Variants in SMARCA4 observed in about 807,000 individuals in gnomAD.
SMARCA4 encodes the protein SWI/SNF-related matrix-associated actin-dependent regulator of chromatin subfamily A member 4.
In SMARCA4, 31 loss-of-function variants were observed where a neutral mutation model predicts 193.9. That is an observed-to-expected ratio of 0.16 (90% CI 0.12 to 0.22). SMARCA4 has a LOEUF of 0.22. Among genes scored for constraint, SMARCA4 ranks in the 10% least tolerant of loss-of-function variants. The probability of loss-of-function intolerance (pLI) is 1.00; values close to 1 mark genes in which losing one functional copy is unlikely to be tolerated. For missense variants in SMARCA4, 1,148 were observed against 2,296.0 expected, an observed-to-expected ratio of 0.50 and a Z score of 10.22; for synonymous variants, 942 against 933.1, an observed-to-expected ratio of 1.01 and a Z score of -0.17.
chr19:10,987,314 C>G lies in SMARCA4; in HGVS notation c.859+311C>G, dbSNP rs1376435064. Among the ~76,000 whole-genome samples, 1 of 152,192 alleles carries G rather than the reference C, an allele frequency of 6.6e-6. No homozygotes were observed. The highest frequency in any genetic ancestry group is 1.5e-5 in the Non-Finnish European group (1 of 68,018). On this transcript the variant is annotated intron_variant, in intron 5 of 34. Coordinates refer to ENST00000344626, the MANE Select transcript of SMARCA4 (RefSeq NM_003072.5). This position sits in a 1 kb window ranked among gnomAD's most constrained non-coding sequence, Gnocchi z 5.3. ...GGCAGTGGGACTCATTACCCATCCT[C>G]TTGGAGCCTGAGGTTTAGCGATGGG...
chr19:11,047,958 T>A (rs549646138), intron 30 of SMARCA4, among the ~76,000 whole-genome samples: 6 of 152,162 alleles, frequency 3.9e-5, no homozygotes, highest in African/African-American at 7.2e-5. Context: ...TACATTCTTT[T>A]TTATTATTAT....
At chr19:11,004,215 C>G (rs2087947987) in intron 13 of SMARCA4, among the ~76,000 whole-genome samples, 1 of 150,956 alleles carries the variant, frequency 6.6e-6, no homozygotes, top group South Asian at 2.1e-4. Context: ...CAGGGTTACA[C>G]CATGTTGGCC....
At chr19:11,045,193 G>T (rs559975895) in intron 30 of SMARCA4, among the ~76,000 whole-genome samples, 1 of 152,150 alleles carries the variant, frequency 6.6e-6, no homozygotes, top group Non-Finnish European at 1.5e-5. Flanking sequence ...GGTGGTGGGC[G>T]CCTGTAGTCC....
At chr19:10,993,856 A>G (rs2086772560) in intron 8 of SMARCA4, among the ~76,000 whole-genome samples, 1 of 151,800 alleles carries the variant, frequency 6.6e-6, no homozygotes, top group African/African-American at 2.4e-5. Context: ...CATGTTAGCC[A>G]GGATGGTATC....
chr19:10,971,797 G>C (rs1314695169), intron 1 of SMARCA4, among the ~76,000 whole-genome samples: 4 of 149,120 alleles, frequency 2.7e-5, no homozygotes, highest in Admixed American at 6.7e-5. Flanking sequence ...TTTTTGGAGG[G>C]GGGAGATGGA....
At chr19:11,017,097 G>T (rs190676858) in intron 16 of SMARCA4, among the ~76,000 whole-genome samples, 2 of 152,214 alleles carry the variant, frequency 1.3e-5, no homozygotes, top group Admixed American at 1.3e-4. Context: ...TCTCTGCCTC[G>T]GCATCTGTTT....
At chr19:10,966,722 C>T (rs779038836) in intron 1 of SMARCA4, among the ~76,000 whole-genome samples, 3 of 151,926 alleles carry the variant, frequency 2.0e-5, no homozygotes, top group Non-Finnish European at 2.9e-5. Context: ...CCCGTCTCTA[C>T]GAAAATACAA....
chr19:11,032,503 T>TA (rs1318612220), intron 25 of SMARCA4: 1 of 151,986 alleles, frequency 6.6e-6, no homozygotes, highest in Non-Finnish European at 1.5e-5. Context: ...CTGTCTCTAC[T>TA]AAAAATACAA....
Position 11,021,832 on chromosome 19 carries a change from G to T in SMARCA4, c.2724G>T (p.Leu908=). 6.2e-7 allele frequency: 1 copy of T among 1,613,742 alleles called. No individual in the cohort carries two copies. Among genetic ancestry groups the T allele is most frequent in the Middle Eastern group, 1.6e-4 (1 of 6,062 alleles). The stretch of plus-strand genomic sequence containing the variant: ...ACTATGTGGCACCCCGCCGCCTGCT[G>T]CTGACGGGCACACCGCTGCAGAACA... ...NTHYVAPRRL[L]LTGTPLQNKL... The change falls in exon 19 of 35, where the codon CTG becomes CTT. Residue 908 remains leucine (L), a synonymous_variant. Transcript: ENST00000344626.
rs201020451 is a variant in SMARCA4 at position 11,021,721 on chromosome 19, G to A, written c.2617-4G>A. On this transcript the variant is annotated splice_region_variant and splice_polypyrimidine_tract_variant and intron_variant, in intron 18 of 34. Transcript: ENST00000344626. ...GCCCTGATTGCCCACTCTGGGGCCC[G>A]CAGATCCGTTGGAAGTACATGATTG... 3.1e-5 allele frequency: 50 copies of A among 1,607,008 alleles called. No homozygotes were observed. In the East Asian group the frequency reaches 6.3e-4, roughly 20 times the overall value.
At chr19:10,980,736 C>T (rs893715986) in intron 1 of SMARCA4, 24 of 152,156 alleles carry the variant, frequency 1.6e-4, no homozygotes, top group African/African-American at 5.6e-4. Flanking sequence ...ATGGTTTGCC[C>T]TCAATGACCT....
chr19:11,014,089 G>A (rs1008429523), intron 16 of SMARCA4, among the ~76,000 whole-genome samples: 6 of 152,132 alleles, frequency 3.9e-5, no homozygotes, highest in Admixed American at 3.9e-4. Context: ...GGTCTGATTG[G>A]GCAAACTTCA....
chr19:10,970,466 C>T (rs2084584247), intron 1 of SMARCA4, among the ~76,000 whole-genome samples: 1 of 152,202 alleles, frequency 6.6e-6, no homozygotes. Context: ...CTCACCCAGG[C>T]TGGAGTGCAG....
chr19:10,973,009 C>T (rs143966209), intron 1 of SMARCA4, among the ~76,000 whole-genome samples: 2,085 of 151,382 alleles, frequency 0.014, 22 homozygotes, highest in Non-Finnish European at 0.017. Context: ...CTTGGGAGGC[C>T]GGGGCAGGAG....
chr19:11,008,055 C>A (rs2146195588), intron 14 of SMARCA4, 32 bp downstream of exon 14: 1 of 1,606,884 alleles, frequency 6.2e-7, no homozygotes, highest in Non-Finnish European at 8.5e-7. Context: ...TGTTCTGTGC[C>A]AGCTTCCTGT....
chr19:11,003,588 C>T (rs1334356163), intron 13 of SMARCA4, among the ~76,000 whole-genome samples, 191 bp downstream of exon 13: 1 of 152,162 alleles, frequency 6.6e-6, no homozygotes, highest in South Asian at 2.1e-4. Flanking sequence ...GACATGTGAC[C>T]ATTTCCATTT....
intron 30 of SMARCA4, among the ~76,000 whole-genome samples, chr19:11,044,543 G>T (rs2075792912): frequency 6.6e-6 from 1 of 152,156 alleles, no homozygotes; most frequent in Admixed American, 6.5e-5. Context: ...TCACGTCATT[G>T]CATTAGCATC....
intron 30 of SMARCA4, among the ~76,000 whole-genome samples, chr19:11,048,121 C>T (rs372286343): frequency 4.0e-4 from 61 of 152,290 alleles, no homozygotes; most frequent in Non-Finnish European, 3.2e-4. Context: ...CTGAGAAGAG[C>T]TTGAATGGAA....
In SMARCA4 at chr19:10,982,784, G is replaced by A. The variant is rs757678701; in HGVS notation, c.-31-1337G>A. Among the ~76,000 whole-genome samples the A allele has an allele frequency of 5.9e-5, 9 of 152,232 alleles. No homozygotes were observed. The East Asian group carries it at 7.8e-4, about 13-fold the overall frequency. ...CTCCCAAAGTGCTGGGATTACAGGC[G>A]TGAGCCACCGCGCCTGGCCAAAAAA... On this transcript the variant is annotated intron_variant, in intron 1 of 34. Transcript: ENST00000344626.
Sources: allele counts gnomAD v4.1 joint callset (sites outside exome capture counted in the v4.1 genomes callset), GRCh38; gene constraint gnomAD v4.1.1; non-coding constraint Gnocchi (gnomAD v3.1); transcripts MANE v1.5; gene names NCBI Gene and HGNC (gene_info 2026-07-23, HGNC 2026-07-21).